WFDC1: variants seen among roughly 807,000 people sequenced by gnomAD.
WFDC1 encodes WAP four-disulfide core domain 1, also known as WAP four-disulfide core domain protein 1.
WFDC1 carries 39 observed loss-of-function variants against 32.9 expected under a neutral mutation model. The observed-to-expected ratio is 1.19, with a 90% confidence interval of 0.92 to 1.55. WFDC1 has a LOEUF of 1.55. Ranked by LOEUF, WFDC1 falls within the 40% of genes most tolerant of loss-of-function variation. The probability of loss-of-function intolerance (pLI) is 0.00; values close to 1 mark genes in which losing one functional copy is unlikely to be tolerated. For missense variants in WFDC1, 386 were observed against 309.5 expected (o/e 1.25, Z -1.85); for synonymous variants, 184 against 137.4 (o/e 1.34, Z -2.37).
intron 2 of WFDC1, chr16:84,316,442 G>A (rs1246214540): frequency 6.6e-6 from 1 of 152,190 alleles, no homozygotes; most frequent in Non-Finnish European, 1.5e-5. Context: ...TGTGATCCCA[G>A]AACAGTTTTG....
chr16:84,301,910 C>T (rs1567650906), intron 1 of WFDC1, among the ~76,000 whole-genome samples: 1 of 152,162 alleles, frequency 6.6e-6, no homozygotes, highest in Non-Finnish European at 1.5e-5. Flanking sequence ...GTGGTTATCA[C>T]TCGGGAGAGG....
intron 1 of WFDC1, among the ~76,000 whole-genome samples, chr16:84,299,257 G>A (rs182918268): frequency 2.6e-5 from 4 of 152,168 alleles, no homozygotes; most frequent in South Asian, 2.1e-4. Context: ...CCAGCTACTC[G>A]GGAGGCTGAG....
At position 84,318,969 on chromosome 16, in the gene WFDC1, G is replaced by C. The variant is rs189526937; in HGVS notation, c.422-462G>C. 84 of 206,702 alleles carry C rather than the reference G, an allele frequency of 4.1e-4. No homozygotes were observed. In the East Asian group the frequency reaches 6.6e-3, roughly 16 times the overall value. The allele number at this position is 206,702 out of a possible 1,614,324, so 12.8% of individuals were successfully genotyped here. ...ATGCAAAAGTGTGTGACTGTATTGTGAGTGTACATGTGTGGGTAAGCGTGT... is the reference window on the plus strand; with the variant it reads ...ATGCAAAAGTGTGTGACTGTATTGTCAGTGTACATGTGTGGGTAAGCGTGT... On this transcript the variant is annotated intron_variant, in intron 3 of 6. Transcript: ENST00000219454.
intron 3 of WFDC1, chr16:84,318,669 C>G: frequency 3.5e-6 from 1 of 285,678 alleles, no homozygotes; most frequent in South Asian, 4.4e-5. Context: ...GGGTTCACCG[C>G]TCTCTAATGA....
intron 1 of WFDC1, among the ~76,000 whole-genome samples, chr16:84,306,579 G>T (rs539565976): frequency 1.3e-5 from 2 of 152,228 alleles, no homozygotes; most frequent in Non-Finnish European, 2.9e-5. Context: ...GAGCATAGGA[G>T]TGTGATGATG....
chr16:84,324,386 A>G (rs1908466159), intron 4 of WFDC1, 33 bp from the exon 5 acceptor site: 1 of 1,609,568 alleles, frequency 6.2e-7, no homozygotes, highest in Non-Finnish European at 8.5e-7. Flanking sequence ...CTAAACTCCT[A>G]AAAGAAGTTT....
At chr16:84,304,749 T>C (rs1174444874) in intron 1 of WFDC1, among the ~76,000 whole-genome samples, 1 of 152,114 alleles carries the variant, frequency 6.6e-6, no homozygotes, top group Non-Finnish European at 1.5e-5. Context: ...TCATGTGGCA[T>C]TATTTTGTTT....
At chr16:84,313,513 G>C (rs1182596974) in intron 2 of WFDC1, among the ~76,000 whole-genome samples, 4 of 152,294 alleles carry the variant, frequency 2.6e-5, no homozygotes, top group Middle Eastern at 3.4e-3. Context: ...CGGGTGCAGT[G>C]GGATTTCTCA....
rs147733184 is a variant in WFDC1 at position 84,303,838 on chromosome 16, C to T, written c.144+8723C>T. 4.5e-3 allele frequency among the ~76,000 whole-genome samples: 682 copies of T among 152,330 alleles called. 4 individuals carry two copies. The highest frequency in any genetic ancestry group is 0.02 in the Middle Eastern group (6 of 294). On this transcript the variant is annotated intron_variant, in intron 1 of 6. Transcript: ENST00000219454. ...GCCGTCAGTCCTCCTTCCCTCTTCC[C>T]GCAGCCTCTGGCAACTACCAATCCA...
intron 1 of WFDC1, among the ~76,000 whole-genome samples, chr16:84,300,235 G>A (rs1418067486): frequency 3.3e-5 from 5 of 152,252 alleles, no homozygotes; most frequent in Non-Finnish European, 7.3e-5. Context: ...AGGCCAAGGT[G>A]CCGGGGAGGT....
At chr16:84,313,811 A>G (rs1374422600) in intron 2 of WFDC1, among the ~76,000 whole-genome samples, 1 of 152,180 alleles carries the variant, frequency 6.6e-6, no homozygotes, top group Non-Finnish European at 1.5e-5. Flanking sequence ...CTCCTGTGAA[A>G]TGGGTGGATC....
intron 1 of WFDC1, among the ~76,000 whole-genome samples, chr16:84,310,195 T>G (rs907685292): frequency 6.7e-6 from 1 of 150,276 alleles, no homozygotes; most frequent in African/African-American, 2.5e-5. Flanking sequence ...AGGGTGGGTG[T>G]GGGACATAGA....
intron 1 of WFDC1, among the ~76,000 whole-genome samples, chr16:84,309,882 G>A (rs1296210117): frequency 1.3e-5 from 2 of 152,008 alleles, no homozygotes; most frequent in East Asian, 3.9e-4. Flanking sequence ...GTGTGTGTGT[G>A]TGTGTGATCT....
rs1297470861 is a variant in WFDC1 at position 84,319,479 on chromosome 16, C to A, written c.470C>A (p.Pro157His). Residue 157 changes from proline (P) to histidine (H), a missense_variant, in exon 4 of 7, where the codon CCC becomes CAC. Physicochemically the swap from Pro to His is moderately conservative, Grantham distance 77 (BLOSUM62 -2). Transcript: ENST00000219454. ...GATGGGGCCGAACCCCTGCTCTGTC[C>A]CTCGGGCTATGAGTGCCACATCCTG... is the stretch of plus-strand genomic sequence containing the variant. ...TEDGAEPLLCPSGYECHILSP... is the reference protein window; with the variant it reads ...TEDGAEPLLCHSGYECHILSP... 6.2e-7 allele frequency: 1 copy of A among 1,612,504 alleles called. No homozygotes were observed. The highest frequency in any genetic ancestry group is 1.3e-5 in the African/African-American group (1 of 75,002).
At chr16:84,306,083 T>C (rs186517187) in intron 1 of WFDC1, among the ~76,000 whole-genome samples, 43 of 152,118 alleles carry the variant, frequency 2.8e-4, no homozygotes, top group African/African-American at 8.9e-4. Flanking sequence ...TGGATTAGCA[T>C]TGCCCGTGCT....
chr16:84,319,637 C>T, intron 4 of WFDC1, 66 bp downstream of exon 4: 1 of 1,576,018 alleles, frequency 6.3e-7, no homozygotes, highest in Non-Finnish European at 8.6e-7. Flanking sequence ...GTAAGCGCCT[C>T]TCACCCGCAT....
Position 84,307,612 on chromosome 16 carries a change from G to A in WFDC1, c.145-5349G>A, listed in dbSNP as rs576524349. Among the ~76,000 whole-genome samples, 8 of 152,286 alleles carry A rather than the reference G, an allele frequency of 5.3e-5. No individual in the cohort carries two copies. The South Asian group carries it at 1.2e-3, about 24-fold the overall frequency. The stretch of plus-strand genomic sequence containing the variant: ...CAGGACTGGGAGGCATTTGTGGTGG[G>A]TGAAAAGTGTTTTGCTTCTGATCAC... On this transcript the variant is annotated intron_variant, in intron 1 of 6. Coordinates refer to ENST00000219454, the MANE Select transcript of WFDC1 (RefSeq NM_021197.4).
chr16:84,311,879 C>G (rs1907648996), intron 1 of WFDC1, among the ~76,000 whole-genome samples: 1 of 151,816 alleles, frequency 6.6e-6, no homozygotes, highest in African/African-American at 2.4e-5. Context: ...AAACATAATA[C>G]TTCGGGCCAG....
intron 1 of WFDC1, 82 bp downstream of exon 1, chr16:84,295,197 C>T: frequency 6.5e-7 from 1 of 1,541,440 alleles, no homozygotes; most frequent in Non-Finnish European, 8.8e-7. Flanking sequence ...TAGACACTGC[C>T]TTCTCCTGTA....
Sources: allele counts gnomAD v4.1 joint callset (sites outside exome capture counted in the v4.1 genomes callset), GRCh38; gene constraint gnomAD v4.1.1; transcripts MANE v1.5; gene names NCBI Gene and HGNC (gene_info 2026-07-23, HGNC 2026-07-21).